PCDHGA11: variants seen among roughly 807,000 people sequenced by gnomAD.
PCDHGA11 encodes the protein protocadherin gamma subfamily A, 11.
Under a neutral mutation model 60.4 loss-of-function variants are expected in PCDHGA11, and 39 were observed. The ratio of observed to expected loss-of-function variants is 0.65; its 90% CI spans 0.50 to 0.84. The LOEUF (loss-of-function observed/expected upper bound fraction) is 0.84. Ranked by LOEUF, PCDHGA11 falls within the 40% of genes least tolerant of loss-of-function variation. The pLI is 0.00. For synonymous variants in PCDHGA11, 533 were observed against 510.3 expected (o/e 1.04, Z -0.60); for missense variants, 1,165 against 1,197.7 (o/e 0.97, Z 0.40).
At chr5:141,509,077 C>A (rs1371396735) in intron 3 of PCDHGA11, among the ~76,000 whole-genome samples, 3 of 152,242 alleles carry the variant, frequency 2.0e-5, no homozygotes, top group Admixed American at 2.0e-4. Flanking sequence ...CGGGGATTTG[C>A]GACATGAAAT....
intron 2 of PCDHGA11, among the ~76,000 whole-genome samples, chr5:141,504,802 C>G (rs370355030): frequency 6.6e-6 from 1 of 152,030 alleles, no homozygotes; most frequent in East Asian, 1.9e-4. Context: ...ACATCTCCCC[C>G]TAGGTACCTC....
In PCDHGA11 at chr5:141,432,877, C is replaced by T. The variant is rs375043811; in HGVS notation, c.2433+9217C>T. 108 of 1,614,082 alleles carry T rather than the reference C, an allele frequency of 6.7e-5. No homozygotes were observed. Among genetic ancestry groups the T allele is most frequent in the Non-Finnish European group, 7.6e-5 (90 of 1,180,018 alleles). On this transcript the variant is annotated intron_variant, in intron 1 of 3. Coordinates refer to ENST00000398587, the MANE Select transcript of PCDHGA11 (RefSeq NM_018914.3). The surrounding 1 kb of genome is among the most constrained non-coding windows in gnomAD (Gnocchi z 6.0). Reference sequence around the variant, plus strand: ...CCGCGGTCTCCTGCGTCTTCCTGGCCTTCGTCATCTTGCTGCTGGCGCTCA... The same window carrying T: ...CCGCGGTCTCCTGCGTCTTCCTGGCTTTCGTCATCTTGCTGCTGGCGCTCA...
chr5:141,480,413 T>C (rs1478520852), intron 1 of PCDHGA11, among the ~76,000 whole-genome samples: 2 of 135,292 alleles, frequency 1.5e-5, no homozygotes, highest in African/African-American at 3.0e-5. Context: ...AGACCCTGTC[T>C]CAAAAAAAAA....
At chr5:141,488,139 T>C (rs906194527) in intron 1 of PCDHGA11, among the ~76,000 whole-genome samples, 2 of 152,084 alleles carry the variant, frequency 1.3e-5, no homozygotes, top group Non-Finnish European at 2.9e-5. Context: ...AGGAGAGAAC[T>C]AAAGGAATAG....
chr5:141,485,607 C>T lies in PCDHGA11; in HGVS notation c.2434-9200C>T. On this transcript the variant is annotated intron_variant, in intron 1 of 3. Coordinates refer to ENST00000398587, the MANE Select transcript of PCDHGA11 (RefSeq NM_018914.3). The surrounding 1 kb of genome is among the most constrained non-coding windows in gnomAD (Gnocchi z 5.7). ...CAGCTGGACTTGGAAATTGGGGAGG[C>T]AGCTCCTCCAGGACAGCGTTTCCCG... is the stretch of plus-strand genomic sequence containing the variant. 1 of 1,612,008 alleles carries T rather than the reference C, an allele frequency of 6.2e-7. No individual in the cohort carries two copies. The highest frequency in any genetic ancestry group is 8.5e-7 in the Non-Finnish European group (1 of 1,178,534).
chr5:141,490,454 CG>C lies in PCDHGA11; in HGVS notation c.2434-4352del. ...ATTAAGCCTTCTGAGAACCACTACT[CG>C]CTGCTAACCAGCCAGCCTTTGGACC... On this transcript the variant is annotated intron_variant, in intron 1 of 3. Coordinates refer to ENST00000398587, the MANE Select transcript of PCDHGA11 (RefSeq NM_018914.3). This position sits in a 1 kb window ranked among gnomAD's most constrained non-coding sequence, Gnocchi z 5.4. The C allele has an allele frequency of 1.2e-6, 2 of 1,614,176 alleles. No individual in the cohort carries two copies. Among genetic ancestry groups the C allele is most frequent in the Non-Finnish European group, 1.7e-6 (2 of 1,180,020 alleles).
intron 3 of PCDHGA11, among the ~76,000 whole-genome samples, chr5:141,510,741 C>A (rs11953770): frequency 1.3e-5 from 2 of 152,138 alleles, no homozygotes; most frequent in Non-Finnish European, 1.5e-5. Context: ...GGAATCAAAC[C>A]TAGACTTTCT....
At chr5:141,474,252 A>T (rs1381172188) in intron 1 of PCDHGA11, among the ~76,000 whole-genome samples, 1 of 152,200 alleles carries the variant, frequency 6.6e-6, no homozygotes, top group Non-Finnish European at 1.5e-5. Flanking sequence ...GGAAAAAAAG[A>T]CTGATAAACC....
At chr5:141,510,353 C>T (rs74759939) in intron 3 of PCDHGA11, among the ~76,000 whole-genome samples, 2 of 146,504 alleles carry the variant, frequency 1.4e-5, no homozygotes, top group African/African-American at 5.0e-5. Context: ...CACTTACTAA[C>T]GGAACTACCG....
At position 141,491,724 on chromosome 5, in the gene PCDHGA11, G is replaced by A; in HGVS notation, c.2434-3083G>A. ...AGGTGAGGGGCTCGGCGCCGCCCCGGGCGACCCCTGGGGGCGGCACTGGAG... is the reference window on the plus strand; with the variant it reads ...AGGTGAGGGGCTCGGCGCCGCCCCGAGCGACCCCTGGGGGCGGCACTGGAG... On this transcript the variant is annotated intron_variant, in intron 1 of 3. Coordinates refer to ENST00000398587, the MANE Select transcript of PCDHGA11 (RefSeq NM_018914.3). This position sits in a 1 kb window ranked among gnomAD's most constrained non-coding sequence, Gnocchi z 6.9. 1 of 1,606,454 alleles carries A rather than the reference G, an allele frequency of 6.2e-7. No individual in the cohort carries two copies. The highest frequency in any genetic ancestry group is 1.1e-5 in the South Asian group (1 of 90,304).
At chr5:141,445,254 AAT>A (rs1214840265) in intron 1 of PCDHGA11, among the ~76,000 whole-genome samples, 49 of 152,350 alleles carry the variant, frequency 3.2e-4, no homozygotes, top group Non-Finnish European at 5.9e-5. Context: ...ATTGTGTGAG[AAT>A]ATAAGTCGAA....
intron 2 of PCDHGA11, among the ~76,000 whole-genome samples, chr5:141,503,166 A>T (rs1246987375): frequency 1.3e-5 from 2 of 151,884 alleles, no homozygotes; most frequent in Admixed American, 1.3e-4. Context: ...CACAATTGCA[A>T]TTACTCTATT....
rs946434728 is a variant in PCDHGA11, at chr5:141,428,357, C to A, written c.2433+4697C>A. On this transcript the variant is annotated intron_variant, in intron 1 of 3. Coordinates refer to ENST00000398587, the MANE Select transcript of PCDHGA11 (RefSeq NM_018914.3). ...CTCTTCTTCCTCGCAGTGATTTTGG[C>A]GGTCGCCTTGCACCTGCGATGCTCT... is the stretch of plus-strand genomic sequence containing the variant. The A allele has an allele frequency of 1.2e-5, 7 of 565,506 alleles. No individual in the cohort carries two copies. The East Asian group carries it at 2.0e-4, about 16-fold the overall frequency. The allele number at this position is 565,506 out of a possible 1,614,324, so 35.0% of individuals were successfully genotyped here.
chr5:141,485,762 G>A lies in PCDHGA11; in HGVS notation c.2434-9045G>A, dbSNP rs774145313. 3.1e-6 allele frequency: 5 copies of A among 1,614,226 alleles called. No homozygotes were observed. The highest frequency in any genetic ancestry group is 3.3e-5 in the Admixed American group (2 of 60,030). ...CAGCCTGGTCCCAGAGCTGCTCCTG[G>A]AGAAGCCTTTGGATCGAGAGAAGCA... On this transcript the variant is annotated intron_variant, in intron 1 of 3. Transcript: ENST00000398587. The surrounding 1 kb of genome is among the most constrained non-coding windows in gnomAD (Gnocchi z 5.7).
At chr5:141,433,320 T>A in intron 1 of PCDHGA11, 1 of 792,046 alleles carries the variant, frequency 1.3e-6, no homozygotes, top group Non-Finnish European at 2.0e-6. Flanking sequence ...TTGCCTCCGG[T>A]GTAACAGGGA....
At chr5:141,454,993 T>C (rs2098809479) in intron 1 of PCDHGA11, among the ~76,000 whole-genome samples, 1 of 151,290 alleles carries the variant, frequency 6.6e-6, no homozygotes, top group Non-Finnish European at 1.5e-5. Context: ...AAAATATTTT[T>C]AGTAGAGACG....
intron 1 of PCDHGA11, chr5:141,424,482 T>C (rs779975685): frequency 1.3e-5 from 2 of 152,216 alleles, no homozygotes; most frequent in Non-Finnish European, 2.9e-5. Context: ...TACTTTGGTG[T>C]CTGTGTTTGT....
At chr5:141,480,894 C>CA (rs1235468010) in intron 1 of PCDHGA11, among the ~76,000 whole-genome samples, 15 of 151,848 alleles carry the variant, frequency 9.9e-5, no homozygotes, top group African/African-American at 3.4e-4. Context: ...AAAATGCAAA[C>CA]ATTAGCTGGG....
Position 141,490,982 on chromosome 5 carries a change from G to A in PCDHGA11, c.2434-3825G>A, listed in dbSNP as rs964673026. 5 of 1,613,994 alleles carry A rather than the reference G, an allele frequency of 3.1e-6. No homozygotes were observed. Among genetic ancestry groups the A allele is most frequent in the Admixed American group, 1.7e-5 (1 of 60,020 alleles). On this transcript the variant is annotated intron_variant, in intron 1 of 3. Coordinates refer to ENST00000398587, the MANE Select transcript of PCDHGA11 (RefSeq NM_018914.3). This position sits in a 1 kb window ranked among gnomAD's most constrained non-coding sequence, Gnocchi z 5.4. The stretch of plus-strand genomic sequence containing the variant: ...CACTCAGCCCCCCAGCGTCTCCCTC[G>A]CTCTGCTCCTCCTGGCTCCTTGGTC...
Sources: allele counts gnomAD v4.1 joint callset (sites outside exome capture counted in the v4.1 genomes callset), GRCh38; gene constraint gnomAD v4.1.1; non-coding constraint Gnocchi (gnomAD v3.1); transcripts MANE v1.5; gene names NCBI Gene and HGNC (gene_info 2026-07-23, HGNC 2026-07-21).